Variants in PTPRT observed in about 807,000 individuals in gnomAD.
PTPRT encodes receptor-type tyrosine-protein phosphatase T.
PTPRT carries 56 observed loss-of-function variants against 176.8 expected under a neutral mutation model. The observed-to-expected ratio is 0.32, with a 90% CI of 0.26 to 0.40. The LOEUF (loss-of-function observed/expected upper bound fraction) is 0.40, where lower values mean the gene tolerates loss of function less well. PTPRT is among the 10% of genes least tolerant of loss of function. The pLI, the probability that PTPRT is intolerant of heterozygous loss-of-function variation, is 1.00. For synonymous variants in PTPRT, 783 were observed against 739.0 expected, an observed-to-expected ratio of 1.06 and a Z score of -0.96; for missense variants, 1,540 against 1,908.2, an observed-to-expected ratio of 0.81 and a Z score of 3.60.
chr20:42,496,562 T>C (rs2071657234), intron 7 of PTPRT, among the ~76,000 whole-genome samples: 2 of 152,120 alleles, frequency 1.3e-5, no homozygotes, highest in South Asian at 4.1e-4. Flanking sequence ...CGCTGTTAAT[T>C]CTTATGATCT....
At chr20:42,901,760 G>T (rs1452393298) in intron 1 of PTPRT, among the ~76,000 whole-genome samples, 1 of 152,192 alleles carries the variant, frequency 6.6e-6, no homozygotes, top group Non-Finnish European at 1.5e-5. Flanking sequence ...AAAGGAAGCA[G>T]AAAAATAAAT....
At chr20:43,164,057 G>A (rs1224365439) in intron 1 of PTPRT, among the ~76,000 whole-genome samples, 1 of 152,186 alleles carries the variant, frequency 6.6e-6, no homozygotes. Context: ...GTCATGCAAT[G>A]TACTGATGAT....
chr20:42,611,577 C>A (rs187099226), intron 7 of PTPRT, among the ~76,000 whole-genome samples: 71 of 152,158 alleles, frequency 4.7e-4, no homozygotes, highest in African/African-American at 1.6e-3. Flanking sequence ...ACTCTCAGGC[C>A]CGTCACGCCA....
intron 9 of PTPRT, 62 bp downstream of exon 9, chr20:42,448,158 G>A (rs1420326330): frequency 6.2e-6 from 8 of 1,284,260 alleles, no homozygotes; most frequent in Non-Finnish European, 2.3e-6. Context: ...ATTCACCAAT[G>A]TCAGGCTGAA....
intron 7 of PTPRT, among the ~76,000 whole-genome samples, chr20:42,592,142 G>A (rs925963456): frequency 5.7e-5 from 8 of 141,516 alleles, no homozygotes; most frequent in Non-Finnish European, 1.2e-4. Flanking sequence ...ACCACACCCA[G>A]CTAATTTTTT....
At chr20:43,086,199 A>G (rs1053643941) in intron 1 of PTPRT, among the ~76,000 whole-genome samples, 2 of 152,166 alleles carry the variant, frequency 1.3e-5, no homozygotes, top group African/African-American at 4.8e-5. Flanking sequence ...ACAGGCATAC[A>G]AGGGCCAACC....
At chr20:42,162,154 A>G (rs1442156557) in intron 16 of PTPRT, among the ~76,000 whole-genome samples, 1 of 152,138 alleles carries the variant, frequency 6.6e-6, no homozygotes. Context: ...GCTCTGCCAC[A>G]GTGACCACCT....
At position 42,642,938 on chromosome 20, in the gene PTPRT, C is replaced by T. The variant is rs144000250; in HGVS notation, c.1153+34928G>A. ...ACAGCAAACTGTGGGCAAGTGGATG[C>T]TTGAAAAAGTGCTTGTGCATTTCTG... On this transcript the variant is annotated intron_variant, in intron 7 of 30. Transcript: ENST00000373187. Among the ~76,000 whole-genome samples the T allele has an allele frequency of 2.8e-3, 426 of 152,186 alleles. 4 individuals are homozygous for T. Among genetic ancestry groups the T allele is most frequent in the African/African-American group, 9.8e-3 (408 of 41,522 alleles).
intron 7 of PTPRT, among the ~76,000 whole-genome samples, chr20:42,498,704 AC>A (rs1240047799): frequency 6.6e-6 from 1 of 152,064 alleles, no homozygotes; most frequent in East Asian, 1.9e-4. Context: ...CATGACAGGA[AC>A]CTTGGTTTCC....
intron 15 of PTPRT, among the ~76,000 whole-genome samples, chr20:42,206,452 A>T (rs911437881): frequency 6.6e-6 from 1 of 152,206 alleles, no homozygotes; most frequent in Non-Finnish European, 1.5e-5. Context: ...AAGCAGGGCG[A>T]GGCATTGCCT....
chr20:42,262,574 C>T (rs1600744623), intron 13 of PTPRT, among the ~76,000 whole-genome samples: 1 of 152,212 alleles, frequency 6.6e-6, no homozygotes, highest in African/African-American at 2.4e-5. Flanking sequence ...ATTAGCCCAA[C>T]AAAATGGTAG....
At chr20:42,715,816 T>C (rs2076214442) in intron 6 of PTPRT, among the ~76,000 whole-genome samples, 1 of 152,170 alleles carries the variant, frequency 6.6e-6, no homozygotes, top group Non-Finnish European at 1.5e-5. Flanking sequence ...TTGATCAAAA[T>C]CCCAAAAGTA....
chr20:42,556,206 T>C (rs908040391), intron 7 of PTPRT, among the ~76,000 whole-genome samples: 2 of 152,166 alleles, frequency 1.3e-5, no homozygotes, highest in Non-Finnish European at 2.9e-5. Flanking sequence ...TCCTGGCCAA[T>C]TGTATGTACA....
intron 6 of PTPRT, among the ~76,000 whole-genome samples, chr20:42,684,778 A>G (rs558034576): frequency 1.3e-5 from 2 of 152,300 alleles, no homozygotes; most frequent in South Asian, 2.1e-4. Flanking sequence ...AAAATAACAG[A>G]TATCTATCAA....
intron 7 of PTPRT, among the ~76,000 whole-genome samples, chr20:42,622,245 A>T (rs1009866477): frequency 2.7e-5 from 4 of 146,788 alleles, no homozygotes; most frequent in South Asian, 2.2e-4. Context: ...ATGGACTTAA[A>T]TTTTTTTTTT....
chr20:42,662,941 A>T (rs566211380), intron 7 of PTPRT, among the ~76,000 whole-genome samples: 2 of 151,828 alleles, frequency 1.3e-5, no homozygotes, highest in East Asian at 3.9e-4. Context: ...AATTTTTGTG[A>T]CCCACAGTCT....
At chr20:42,799,496 T>A (rs1012961369) in intron 2 of PTPRT, among the ~76,000 whole-genome samples, 1 of 152,192 alleles carries the variant, frequency 6.6e-6, no homozygotes, top group African/African-American at 2.4e-5. Flanking sequence ...ACTTCATAAC[T>A]TGCCTTCCCC....
At chr20:42,548,950 C>T (rs1274865143) in intron 7 of PTPRT, among the ~76,000 whole-genome samples, 1 of 152,088 alleles carries the variant, frequency 6.6e-6, no homozygotes, top group Non-Finnish European at 1.5e-5. Flanking sequence ...AATAAGAAAG[C>T]TAGGTAGTGC....
At position 42,092,473 on chromosome 20, in the gene PTPRT, A is replaced by C. The variant is rs557766826; in HGVS notation, c.3846+5948T>G. ...TAATCTAACAAATGATAACATTAAG[A>C]CTTGGAGAAAGTAAAGGAACTGGCT... On this transcript the variant is annotated intron_variant, in intron 27 of 30. Coordinates refer to ENST00000373187, the MANE Select transcript of PTPRT (RefSeq NM_007050.6). Among the ~76,000 whole-genome samples, 4 of 152,318 alleles carry C rather than the reference A, an allele frequency of 2.6e-5. No individual in the cohort carries two copies. The South Asian group carries it at 8.3e-4, about 32-fold the overall frequency.
Sources: allele counts gnomAD v4.1 joint callset (sites outside exome capture counted in the v4.1 genomes callset), GRCh38; gene constraint gnomAD v4.1.1; transcripts MANE v1.5; gene names NCBI Gene and HGNC (gene_info 2026-07-23, HGNC 2026-07-21).